Variants in CHTF18 observed in about 807,000 individuals in gnomAD.
CHTF18 encodes the protein chromosome transmission fidelity factor 18, also known as chromosome transmission fidelity protein 18 homolog.
Under a neutral mutation model 113.4 loss-of-function variants are expected in CHTF18, and 151 were observed. The ratio of observed to expected loss-of-function variants is 1.33; its 90% CI spans 1.17 to 1.52. The LOEUF is 1.52. Among genes scored for constraint, CHTF18 ranks in the 40% most tolerant of loss-of-function variants. The pLI, the probability that CHTF18 is intolerant of heterozygous loss-of-function variation, is 0.00. For missense variants in CHTF18, 1,982 were observed against 1,381.6 expected (o/e 1.43, Z -6.89); for synonymous variants, 916 against 598.8 (o/e 1.53, Z -7.74).
At chr16:793,855 C>T (rs1036673566) in intron 14 of CHTF18, 199 bp from the exon 15 acceptor site, 13 of 653,632 alleles carry the variant, frequency 2.0e-5, no homozygotes, top group African/African-American at 5.4e-5. Flanking sequence ...TGGGGCTCCT[C>T]GGCTTAAGGG....
chr16:790,527 T>G lies in CHTF18; in HGVS notation c.755T>G (p.Leu252Arg). 1 of 1,601,484 alleles carries G rather than the reference T, an allele frequency of 6.2e-7. No individual in the cohort carries two copies. The highest frequency in any genetic ancestry group is 1.1e-5 in the South Asian group (1 of 89,018). ...GCTCAGGACGTGGTCCTCTCCAGTC[T>G]CAGGTCGGGGGAGGAGGAGGCAGCC... ...AQKLSDTLHS[L>R]RSGEEEAAQP... The change falls in exon 7 of 22, where the codon CTC becomes CGC. Residue 252 changes from leucine to arginine, a missense_variant and splice_region_variant. Coordinates refer to ENST00000262315, the MANE Select transcript of CHTF18 (RefSeq NM_022092.3).
chr16:795,155 T>TCTGCGG lies in CHTF18; in HGVS notation c.1980_1985dup (p.Leu661_Arg662dup). Reference sequence around the variant, plus strand: ...AGGGCTTGTTTGACAACTTCCTGCGTCTGCGGCTGCGAGACTCCAGCCTGG... The same window carrying TCTGCGG: ...AGGGCTTGTTTGACAACTTCCTGCGTCTGCGGCTGCGGCTGCGAGACTCCAGCCTGG... On this transcript the variant is annotated inframe_insertion, in exon 16 of 22. Transcript: ENST00000262315. 1 of 1,553,018 alleles carries TCTGCGG rather than the reference T, an allele frequency of 6.4e-7. No homozygotes were observed. The highest frequency in any genetic ancestry group is 1.2e-5 in the South Asian group (1 of 84,450).
At chr16:797,567 G>A in intron 20 of CHTF18, 127 bp from the exon 21 acceptor site, 1 of 980,570 alleles carries the variant, frequency 1.0e-6, no homozygotes, top group Non-Finnish European at 1.5e-6. Context: ...CCTGGGCCAG[G>A]TTCCGAAAGG....
At chr16:791,523 G>A (rs1176919770) in intron 8 of CHTF18, 153 bp downstream of exon 8, 5 of 1,436,778 alleles carry the variant, frequency 3.5e-6, no homozygotes, top group African/African-American at 1.4e-5. Flanking sequence ...TAGAACTGGA[G>A]CGTTGCAGTA....
At chr16:795,089 C>A (rs1479074933) in intron 15 of CHTF18, 43 bp from the exon 16 acceptor site, 2 of 1,474,206 alleles carry the variant, frequency 1.4e-6, no homozygotes, top group African/African-American at 2.8e-5. Flanking sequence ...GGTGCACCTT[C>A]CCTGGGGTGG....
chr16:791,580 A>C (rs2151643556), intron 8 of CHTF18: 1 of 1,432,670 alleles, frequency 7.0e-7, no homozygotes, highest in Non-Finnish European at 9.1e-7. Context: ...GCGGCTGGCC[A>C]GGATGATCTG....
In CHTF18 at chr16:791,142, C is replaced by G. The variant is rs1341925261; in HGVS notation, c.895-19C>G. 6.2e-7 allele frequency: 1 copy of G among 1,600,394 alleles called. No individual in the cohort carries two copies. Among genetic ancestry groups the G allele is most frequent in the Non-Finnish European group, 8.5e-7 (1 of 1,174,648 alleles). On this transcript the variant is annotated intron_variant, in intron 7 of 21. Transcript: ENST00000262315. ...GGCGGTGCCCTCAGGCTGTGCTTCCCTTCCCGTCCTTCCCGCAGTTCACCA... is the reference window on the plus strand; with the variant it reads ...GGCGGTGCCCTCAGGCTGTGCTTCCGTTCCCGTCCTTCCCGCAGTTCACCA...
chr16:790,982 C>T (rs771006639), intron 7 of CHTF18, 179 bp from the exon 8 acceptor site: 2 of 1,450,118 alleles, frequency 1.4e-6, no homozygotes, highest in Non-Finnish European at 1.8e-6. Context: ...GTGGCCAGAG[C>T]CGTGGGGGTG....
intron 8 of CHTF18, 97 bp from the exon 9 acceptor site, chr16:791,754 C>T (rs527623513): frequency 2.2e-5 from 32 of 1,486,794 alleles, no homozygotes; most frequent in Admixed American, 9.5e-5. Flanking sequence ...GGAGGGAGCG[C>T]CCAGCCTGTG....
intron 9 of CHTF18, 115 bp downstream of exon 9, chr16:792,063 G>C: frequency 6.5e-7 from 1 of 1,538,760 alleles, no homozygotes; most frequent in African/African-American, 1.4e-5. Context: ...TGGGGGCCTG[G>C]GTGTGTGGGC....
chr16:790,801 T>C, intron 7 of CHTF18, 135 bp downstream of exon 7: 2 of 1,435,594 alleles, frequency 1.4e-6, no homozygotes, highest in Non-Finnish European at 9.1e-7. Flanking sequence ...CCCTTTTGAG[T>C]TGTAGGTGGT....
intron 21 of CHTF18, 32 bp downstream of exon 21, chr16:797,783 G>C: frequency 6.3e-7 from 1 of 1,596,012 alleles, no homozygotes; most frequent in Non-Finnish European, 8.5e-7. Flanking sequence ...GGTTGTGGGG[G>C]GCCTGGGGGT....
rs1459962543 is a variant in CHTF18, at chr16:795,812, T to C, written c.2303T>C (p.Ile768Thr). The C allele has an allele frequency of 2.5e-6, 4 of 1,609,790 alleles. No individual in the cohort carries two copies. Among genetic ancestry groups the C allele is most frequent in the Admixed American group, 1.7e-5 (1 of 59,784 alleles). ...LLDALCLLLD[I>T]LAPKLRPVST... ...GATGCCCTCTGCCTGCTCCTGGACA[T>C]TCTTGCACCCAAGCTCCGCCCCGTG... The change falls in exon 17 of 22, where the codon ATT becomes ACT. Residue 768 changes from isoleucine (I) to threonine (T), a missense_variant. Ile to Thr is a moderately conservative substitution (Grantham distance 89, BLOSUM62 -1). Coordinates refer to ENST00000262315, the MANE Select transcript of CHTF18 (RefSeq NM_022092.3).
chr16:792,596 T>C lies in CHTF18; in HGVS notation c.1478+6T>C. The C allele has an allele frequency of 1.9e-6, 3 of 1,595,368 alleles. No homozygotes were observed. Among genetic ancestry groups the C allele is most frequent in the Non-Finnish European group, 1.7e-6 (2 of 1,172,918 alleles). On this transcript the variant is annotated splice_donor_region_variant and intron_variant, in intron 11 of 21. Coordinates refer to ENST00000262315, the MANE Select transcript of CHTF18 (RefSeq NM_022092.3). The stretch of plus-strand genomic sequence containing the variant: ...ATCTGCATTTGCAATGACCAGTGAG[T>C]GCATGGGCGGGCGCCACAGTCAGGA...
chr16:791,159 A>G lies in CHTF18; in HGVS notation c.895-2A>G. ...GTGCTTCCCTTCCCGTCCTTCCCGC[A>G]GTTCACCAACCGCTGCCTGCTCAAG... On this transcript the variant is annotated splice_acceptor_variant, in intron 7 of 21. Coordinates refer to ENST00000262315, the MANE Select transcript of CHTF18 (RefSeq NM_022092.3). LOFTEE classifies it high-confidence loss of function. 1 of 1,609,238 alleles carries G rather than the reference A, an allele frequency of 6.2e-7. No individual in the cohort carries two copies. The highest frequency in any genetic ancestry group is 8.5e-7 in the Non-Finnish European group (1 of 1,178,602).
rs371334131 is a variant in CHTF18 at position 790,648 on chromosome 16, G to A, written c.876G>A (p.Thr292=). The change falls in exon 7 of 22, where the codon ACG becomes ACA. Residue 292 remains threonine, a synonymous_variant. Coordinates refer to ENST00000262315, the MANE Select transcript of CHTF18 (RefSeq NM_022092.3). ...WVDEFAPRHY[T]ELLSDDFTNR... ...ATGAGTTTGCACCCCGCCACTACAC[G>A]GAGCTGCTCAGTGATGACGTGAGGT... The A allele has an allele frequency of 2.5e-6, 4 of 1,586,726 alleles. No homozygotes were observed. The highest frequency in any genetic ancestry group is 1.2e-5 in the South Asian group (1 of 86,310).
Position 789,717 on chromosome 16 carries a change from T to A in CHTF18, c.606+2T>A. ...GACCCCATGGCCCCGGGGGTGCAGG[T>A]GCGTGGCTGTGGCCTTCCTGCACGG... On this transcript the variant is annotated splice_donor_variant, in intron 4 of 21. Transcript: ENST00000262315. LOFTEE classifies it high-confidence loss of function. 6.3e-7 allele frequency: 1 copy of A among 1,579,714 alleles called. No individual in the cohort carries two copies.
rs772228260 is a variant in CHTF18 at position 791,872 on chromosome 16, C to T, written c.1126C>T (p.Pro376Ser). Residue 376 changes from proline (P) to serine (S), a missense_variant, in exon 9 of 22, where the codon CCG becomes TCG. Coordinates refer to ENST00000262315, the MANE Select transcript of CHTF18 (RefSeq NM_022092.3). ...KQKVALLCGP[P>S]GLGKTTLAHV... ...GCAGGTGGCACTGCTCTGTGGGCCC[C>T]CGGGGCTGGGGAAGACCACCCTGGC... is the stretch of plus-strand genomic sequence containing the variant. 3.1e-6 allele frequency: 5 copies of T among 1,607,752 alleles called. No individual in the cohort carries two copies. The South Asian group carries it at 5.6e-5, about 18-fold the overall frequency.
intron 20 of CHTF18, 44 bp downstream of exon 20, chr16:797,136 T>C (rs35498411): frequency 0.032 from 47,652 of 1,468,042 alleles, 2,348 homozygotes; most frequent in African/African-American, 0.19. Context: ...GGTACATACC[T>C]TTGGGGGTGT....
Sources: gnomAD v4.1 joint callset for allele counts on GRCh38, gnomAD v4.1.1 for gene constraint, MANE v1.5 for transcripts, NCBI Gene and HGNC (gene_info 2026-07-23, HGNC 2026-07-21) for gene names.